The following CADM2 variants were observed in gnomAD, a reference collection of about 807,000 sequenced individuals.
CADM2 encodes immunoglobulin superfamily member 4D.
CADM2 carries 12 observed loss-of-function variants against 49.8 expected under a neutral mutation model. The ratio of observed to expected loss-of-function variants is 0.24; its 90% CI spans 0.15 to 0.39. The LOEUF is 0.39. Among genes scored for constraint, CADM2 ranks in the 10% least tolerant of loss-of-function variants. The pLI, the probability that CADM2 is intolerant of heterozygous loss-of-function variation, is 1.00. For synonymous variants in CADM2, 214 were observed against 175.4 expected (o/e 1.22, Z -1.74); for missense variants, 378 against 492.3 (o/e 0.77, Z 2.20).
At chr3:85,118,442 T>C (rs978396108) in intron 1 of CADM2, among the ~76,000 whole-genome samples, 1 of 152,062 alleles carries the variant, frequency 6.6e-6, no homozygotes, top group African/African-American at 2.4e-5. Flanking sequence ...GGGGAGGCCT[T>C]ACAATTATGA....
intron 1 of CADM2, among the ~76,000 whole-genome samples, chr3:85,408,651 C>T (rs1350456107): frequency 6.6e-6 from 1 of 152,146 alleles, no homozygotes; most frequent in Non-Finnish European, 1.5e-5. Context: ...TTATTCTGAG[C>T]AGTGCACTAA....
intron 2 of CADM2, among the ~76,000 whole-genome samples, chr3:85,745,606 C>A (rs969245062): frequency 6.6e-6 from 1 of 152,106 alleles, no homozygotes; most frequent in African/African-American, 2.4e-5. Context: ...TGGCTCACGC[C>A]GGTAATCCCA....
At chr3:85,047,669 G>T (rs768006676) in intron 1 of CADM2, among the ~76,000 whole-genome samples, 1 of 152,182 alleles carries the variant, frequency 6.6e-6, no homozygotes, top group Non-Finnish European at 1.5e-5. Flanking sequence ...ATAAGAAAAT[G>T]AGGATAAGTA....
chr3:85,875,164 T>C (rs1711640665), intron 3 of CADM2, among the ~76,000 whole-genome samples: 1 of 152,168 alleles, frequency 6.6e-6, no homozygotes, highest in Non-Finnish European at 1.5e-5. Context: ...GATTGTTTTA[T>C]GTTGTATGAC....
At chr3:85,761,891 A>C (rs989507314) in intron 2 of CADM2, among the ~76,000 whole-genome samples, 2 of 152,192 alleles carry the variant, frequency 1.3e-5, no homozygotes, top group African/African-American at 4.8e-5. Flanking sequence ...AAGGCAGCTC[A>C]GCTGAGGGTC....
In CADM2 at chr3:85,981,427, G is replaced by A. The variant is rs1005511092; in HGVS notation, c.970+19780G>A. On this transcript the variant is annotated intron_variant, in intron 8 of 9. Transcript: ENST00000383699. ...ACATTGGTAAACTAAATGTTGCTGG[G>A]ATTTGGTGTACAAATTATTTTGTCT... is the stretch of plus-strand genomic sequence containing the variant. 7.9e-5 allele frequency among the ~76,000 whole-genome samples: 12 copies of A among 151,544 alleles called. No homozygotes were observed. In the Middle Eastern group the frequency reaches 0.01, roughly 129 times the overall value.
intron 1 of CADM2, among the ~76,000 whole-genome samples, chr3:85,321,700 T>A (rs992875726): frequency 3.3e-5 from 5 of 152,152 alleles, no homozygotes; most frequent in Non-Finnish European, 7.4e-5. Context: ...CCATACTACA[T>A]ATGTGTCTTT....
At chr3:85,677,664 T>C (rs1423670681) in intron 1 of CADM2, among the ~76,000 whole-genome samples, 1 of 152,152 alleles carries the variant, frequency 6.6e-6, no homozygotes, top group Non-Finnish European at 1.5e-5. Flanking sequence ...AGTTAAATAA[T>C]GAGGGACAGG....
chr3:85,342,996 C>T (rs1260150897), intron 1 of CADM2, among the ~76,000 whole-genome samples: 3 of 151,940 alleles, frequency 2.0e-5, no homozygotes, highest in Non-Finnish European at 4.4e-5. Context: ...TGCTTTTTTC[C>T]ATAATACATT....
chr3:85,094,577 T>C (rs1009984289), intron 1 of CADM2, among the ~76,000 whole-genome samples: 1 of 152,134 alleles, frequency 6.6e-6, no homozygotes, highest in African/African-American at 2.4e-5. Flanking sequence ...AGTTGGTAAT[T>C]CTACTGAGTT....
intron 2 of CADM2, among the ~76,000 whole-genome samples, chr3:85,767,513 A>T (rs1003926428): frequency 2.0e-5 from 3 of 152,174 alleles, no homozygotes; most frequent in Admixed American, 2.0e-4. Flanking sequence ...AATTTAATAC[A>T]TGAAGTTTTC....
At chr3:85,450,179 G>GT (rs2037688852) in intron 1 of CADM2, among the ~76,000 whole-genome samples, 4 of 152,112 alleles carry the variant, frequency 2.6e-5, no homozygotes, top group Non-Finnish European at 5.9e-5. Context: ...TTTGGACAGC[G>GT]TTATTTAAGG....
chr3:85,622,285 A>G (rs2064000062), intron 1 of CADM2, among the ~76,000 whole-genome samples: 1 of 152,150 alleles, frequency 6.6e-6, no homozygotes, highest in Non-Finnish European at 1.5e-5. Context: ...GCTTCTATCT[A>G]GTGTTTCCTC....
At chr3:85,769,669 T>G (rs1293037959) in intron 2 of CADM2, among the ~76,000 whole-genome samples, 1 of 145,058 alleles carries the variant, frequency 6.9e-6, no homozygotes. Flanking sequence ...AGTATATATA[T>G]ACACATATAT....
intron 1 of CADM2, among the ~76,000 whole-genome samples, chr3:85,683,442 C>G (rs965541266): frequency 3.9e-5 from 6 of 152,044 alleles, no homozygotes; most frequent in Non-Finnish European, 7.4e-5. Flanking sequence ...TAAATAGAAC[C>G]CTTAGTGGAA....
intron 7 of CADM2, among the ~76,000 whole-genome samples, chr3:85,948,578 C>CA (rs1227272376): frequency 2.6e-5 from 4 of 151,088 alleles, no homozygotes; most frequent in Non-Finnish European, 4.4e-5. Context: ...GCCACTTACT[C>CA]AAAAAAATAC....
intron 1 of CADM2, among the ~76,000 whole-genome samples, chr3:85,694,072 C>A (rs1265334729): frequency 6.6e-6 from 1 of 151,942 alleles, no homozygotes; most frequent in African/African-American, 2.4e-5. Context: ...CTTTTTAGCA[C>A]TTTTTAAAGA....
chr3:85,128,825 T>A (rs2039123576), intron 1 of CADM2, among the ~76,000 whole-genome samples: 1 of 152,172 alleles, frequency 6.6e-6, no homozygotes, highest in South Asian at 2.1e-4. Context: ...AGAGAGGCTT[T>A]TATAATGTAT....
intron 1 of CADM2, among the ~76,000 whole-genome samples, chr3:85,615,514 A>T (rs1241316546): frequency 2.0e-5 from 3 of 151,870 alleles, no homozygotes; most frequent in Admixed American, 2.0e-4. Context: ...GGTATTGTAA[A>T]TCCTTACTGA....
Sources: allele counts gnomAD v4.1 joint callset (sites outside exome capture counted in the v4.1 genomes callset), GRCh38; gene constraint gnomAD v4.1.1; transcripts MANE v1.5; gene names NCBI Gene and HGNC (gene_info 2026-07-23, HGNC 2026-07-21).